The following NDFIP1 variants were observed in gnomAD, a reference collection of about 807,000 sequenced individuals.
NDFIP1 encodes Nedd4 family interacting protein 1, also known as NEDD4 family-interacting protein 1.
Under a neutral mutation model 28.8 loss-of-function variants are expected in NDFIP1, and 7 were observed. That is an observed-to-expected ratio of 0.24 (90% CI 0.14 to 0.46). The LOEUF is 0.46. NDFIP1 is among the 20% of genes least tolerant of loss of function. The probability of loss-of-function intolerance (pLI) is 0.99; values close to 1 mark genes in which losing one functional copy is unlikely to be tolerated. For missense variants in NDFIP1, 194 were observed against 269.1 expected (o/e 0.72, Z 1.95); for synonymous variants, 92 against 101.0 (o/e 0.91, Z 0.53).
intron 7 of NDFIP1, 106 bp downstream of exon 7, chr5:142,144,782 G>T: frequency 3.1e-6 from 2 of 640,910 alleles, no homozygotes; most frequent in Non-Finnish European, 5.3e-6. Flanking sequence ...TATAGAGAAA[G>T]TAAAGAAGGC....
chr5:142,110,526 T>C (rs12656877), intron 1 of NDFIP1, among the ~76,000 whole-genome samples: 102,312 of 151,976 alleles, frequency 0.67, 34,772 homozygotes, highest in African/African-American at 0.77. Flanking sequence ...TGCTAGAATA[T>C]AAAAAATTTG....
intron 1 of NDFIP1, among the ~76,000 whole-genome samples, chr5:142,120,577 G>A (rs1351521233): frequency 6.6e-6 from 1 of 152,052 alleles, no homozygotes; most frequent in South Asian, 2.1e-4. Flanking sequence ...TATTTAAGAG[G>A]GTTTCAGGAG....
intron 1 of NDFIP1, among the ~76,000 whole-genome samples, chr5:142,118,380 A>G (rs1156371692): frequency 2.0e-5 from 3 of 152,130 alleles, no homozygotes; most frequent in African/African-American, 7.2e-5. Flanking sequence ...AGTATTGGTC[A>G]GGTCTTTGTA....
In NDFIP1 at chr5:142,132,053, C is replaced by A. The variant is rs570481021; in HGVS notation, c.151+158C>A. On this transcript the variant is annotated intron_variant, in intron 2 of 7. Coordinates refer to ENST00000253814, the MANE Select transcript of NDFIP1 (RefSeq NM_030571.4). ...GAGAAGTGGATACATTTAAAAATCA[C>A]CCCCAGTCTCTTACATTCATCTAAG... The A allele has an allele frequency of 8.7e-6, 9 of 1,038,188 alleles. No individual in the cohort carries two copies. The South Asian group carries it at 1.6e-4, about 18-fold the overall frequency. 64.3% of individuals were successfully genotyped at this position (1,038,188 alleles called of 1,614,324 possible).
intron 5 of NDFIP1, 128 bp from the exon 6 acceptor site, chr5:142,140,435 C>T (rs374587683): frequency 7.5e-5 from 51 of 683,578 alleles, no homozygotes; most frequent in East Asian, 5.1e-4. Flanking sequence ...GCAACAAGAG[C>T]GAAACTCCGT....
chr5:142,127,780 A>AC lies in NDFIP1; in HGVS notation c.64-4024dup, dbSNP rs1212436162. On this transcript the variant is annotated intron_variant, in intron 1 of 7. Transcript: ENST00000253814. Reference sequence around the variant, plus strand: ...GTACCAACCTGGCCAACATGGCACAACCCCATCTCTACTAAAAATACAAAA... The same window carrying AC: ...GTACCAACCTGGCCAACATGGCACAACCCCCATCTCTACTAAAAATACAAAA... 3.9e-5 allele frequency among the ~76,000 whole-genome samples: 6 copies of AC among 152,096 alleles called. 1 individual carries two copies. Among genetic ancestry groups the AC allele is most frequent in the African/African-American group, 1.4e-4 (6 of 41,482 alleles).
At chr5:142,117,518 G>C (rs1338480291) in intron 1 of NDFIP1, among the ~76,000 whole-genome samples, 5 of 152,140 alleles carry the variant, frequency 3.3e-5, no homozygotes, top group Non-Finnish European at 5.9e-5. Flanking sequence ...TGGGATTACA[G>C]GTGTGAGCCA....
At chr5:142,141,965 C>A (rs1017548542) in intron 6 of NDFIP1, among the ~76,000 whole-genome samples, 3 of 152,094 alleles carry the variant, frequency 2.0e-5, no homozygotes, top group African/African-American at 4.8e-5. Flanking sequence ...AAGACCTCGT[C>A]TCTACAAAAA....
At chr5:142,116,578 A>G (rs925812248) in intron 1 of NDFIP1, among the ~76,000 whole-genome samples, 1 of 152,138 alleles carries the variant, frequency 6.6e-6, no homozygotes, top group Non-Finnish European at 1.5e-5. Flanking sequence ...CATGTTGGCC[A>G]GGCTAGTCTC....
intron 6 of NDFIP1, among the ~76,000 whole-genome samples, chr5:142,140,885 A>G (rs1757320082): frequency 6.6e-6 from 1 of 152,150 alleles, no homozygotes; most frequent in African/African-American, 2.4e-5. Context: ...CATGTGATAA[A>G]TGGGGTATGC....
intron 1 of NDFIP1, among the ~76,000 whole-genome samples, chr5:142,110,437 G>T (rs191077872): frequency 6.6e-6 from 1 of 152,108 alleles, no homozygotes; most frequent in Non-Finnish European, 1.5e-5. Context: ...TCCTGACTTG[G>T]ATAAGGCTAA....
intron 1 of NDFIP1, among the ~76,000 whole-genome samples, chr5:142,111,556 T>C (rs937886927): frequency 5.3e-5 from 8 of 152,154 alleles, no homozygotes; most frequent in Admixed American, 1.3e-4. Context: ...CCAGGCAACT[T>C]GATAGGAGCA....
chr5:142,132,216 T>C lies in NDFIP1; in HGVS notation c.156T>C (p.Tyr52=), dbSNP rs148437787. Residue 52 remains tyrosine, a synonymous_variant, in exon 3 of 8, where the codon TAT becomes TAC. Coordinates refer to ENST00000253814, the MANE Select transcript of NDFIP1 (RefSeq NM_030571.4). ...GTGACTGTTAAAATTCTGCAGCATATTTTGACTACAAGGATGAGTCTGGGT... is the reference window on the plus strand; with the variant it reads ...GTGACTGTTAAAATTCTGCAGCATACTTTGACTACAAGGATGAGTCTGGGT... ...YSSISAESAA[Y]FDYKDESGFP... 459 of 1,607,180 alleles carry C rather than the reference T, an allele frequency of 2.9e-4. No individual in the cohort carries two copies. In the African/African-American group the frequency reaches 5.5e-3, roughly 19 times the overall value.
chr5:142,147,988 C>T (rs1156292034), intron 7 of NDFIP1, among the ~76,000 whole-genome samples: 2 of 152,160 alleles, frequency 1.3e-5, no homozygotes, highest in South Asian at 2.1e-4. Context: ...TTATGGACTT[C>T]TACTTCTTTG....
At chr5:142,116,511 G>A (rs1302842409) in intron 1 of NDFIP1, among the ~76,000 whole-genome samples, 1 of 151,952 alleles carries the variant, frequency 6.6e-6, no homozygotes, top group Non-Finnish European at 1.5e-5. Context: ...TGGGACTACA[G>A]GTGCCCGCCA....
At chr5:142,143,984 C>T (rs1757362223) in intron 6 of NDFIP1, 1 of 135,388 alleles carries the variant, frequency 7.4e-6, no homozygotes, top group Admixed American at 7.7e-5. Flanking sequence ...CAGAGCAAGA[C>T]CCTGTCTGTT....
intron 7 of NDFIP1, among the ~76,000 whole-genome samples, chr5:142,146,902 T>C (rs1757395099): frequency 6.6e-6 from 1 of 152,166 alleles, no homozygotes; most frequent in South Asian, 2.1e-4. Flanking sequence ...TTTTTGATAT[T>C]CTAAATTTAA....
intron 1 of NDFIP1, among the ~76,000 whole-genome samples, chr5:142,119,584 A>G (rs1757102591): frequency 6.6e-6 from 1 of 152,174 alleles, no homozygotes; most frequent in Admixed American, 6.5e-5. Flanking sequence ...CAAGTTCTAT[A>G]AATTTTCACA....
At chr5:142,112,408 G>A (rs1021257762) in intron 1 of NDFIP1, among the ~76,000 whole-genome samples, 2 of 150,622 alleles carry the variant, frequency 1.3e-5, no homozygotes, top group African/African-American at 2.4e-5. Flanking sequence ...GTGTGGTGGT[G>A]CACATCTGTA....
Sources: allele counts gnomAD v4.1 joint callset (sites outside exome capture counted in the v4.1 genomes callset), GRCh38; gene constraint gnomAD v4.1.1; transcripts MANE v1.5; gene names NCBI Gene and HGNC (gene_info 2026-07-23, HGNC 2026-07-21).